Variants in DOCK4 observed in about 807,000 individuals in gnomAD.
DOCK4 encodes the protein dedicator of cytokinesis 4.
Under a neutral mutation model 268.1 loss-of-function variants are expected in DOCK4, and 97 were observed. That is an observed-to-expected ratio of 0.36 (90% CI 0.31 to 0.43). The LOEUF (loss-of-function observed/expected upper bound fraction) is 0.43. Among genes scored for constraint, DOCK4 ranks in the 20% least tolerant of loss-of-function variants. The pLI, the probability that DOCK4 is intolerant of heterozygous loss-of-function variation, is 1.00. For missense variants in DOCK4, 2,145 were observed against 2,455.7 expected, an observed-to-expected ratio of 0.87 and a Z score of 2.67; for synonymous variants, 954 against 887.2, an observed-to-expected ratio of 1.08 and a Z score of -1.34.
chr7:111,857,850 C>G (rs1325603617), intron 23 of DOCK4, among the ~76,000 whole-genome samples: 1 of 152,296 alleles, frequency 6.6e-6, no homozygotes, highest in Non-Finnish European at 1.5e-5. Flanking sequence ...TCTCCAAAAC[C>G]ATTTAGACTC....
intron 1 of DOCK4, among the ~76,000 whole-genome samples, chr7:112,109,140 G>C (rs1811400035): frequency 6.6e-6 from 1 of 152,194 alleles, no homozygotes; most frequent in African/African-American, 2.4e-5. Context: ...GCCACATGGT[G>C]CCAAGCCAGT....
intron 1 of DOCK4, among the ~76,000 whole-genome samples, chr7:112,163,746 AAT>A (rs531996750): frequency 3.3e-5 from 5 of 152,182 alleles, no homozygotes; most frequent in Non-Finnish European, 7.4e-5. Flanking sequence ...AGGTTAAGTA[AAT>A]TGCCCCAGAC....
chr7:112,177,336 A>G (rs932363422), intron 1 of DOCK4, among the ~76,000 whole-genome samples: 2 of 152,224 alleles, frequency 1.3e-5, no homozygotes, highest in African/African-American at 4.8e-5. Flanking sequence ...GATAGCACCT[A>G]TTTACCAAGG....
chr7:112,190,259 T>G (rs183332034), intron 1 of DOCK4, among the ~76,000 whole-genome samples: 44 of 152,022 alleles, frequency 2.9e-4, no homozygotes, highest in Admixed American at 2.0e-3. Context: ...CCACACAGCA[T>G]CTCTGGCCTC....
At chr7:112,009,856 G>A (rs1462404505) in intron 1 of DOCK4, among the ~76,000 whole-genome samples, 1 of 152,016 alleles carries the variant, frequency 6.6e-6, no homozygotes, top group Admixed American at 6.5e-5. Flanking sequence ...TCTCACCGTC[G>A]CCCAGGCTGG....
chr7:111,957,545 C>T (rs1232744981), intron 8 of DOCK4, among the ~76,000 whole-genome samples: 2 of 152,158 alleles, frequency 1.3e-5, no homozygotes, highest in Admixed American at 1.3e-4. Context: ...AGACTACAAG[C>T]TGTGTCTACT....
intron 1 of DOCK4, among the ~76,000 whole-genome samples, chr7:112,124,566 C>T (rs773099212): frequency 1.5e-4 from 23 of 152,114 alleles, no homozygotes; most frequent in Non-Finnish European, 2.2e-4. Context: ...AGCTTAGAAG[C>T]AGAAGTGTAA....
chr7:112,184,139 G>A (rs1472849995), intron 1 of DOCK4, among the ~76,000 whole-genome samples: 1 of 152,122 alleles, frequency 6.6e-6, no homozygotes, highest in Non-Finnish European at 1.5e-5. Context: ...CGTGCCTAAT[G>A]CACAGACCTG....
chr7:111,871,908 A>T, intron 20 of DOCK4, 82 bp downstream of exon 20: 2 of 1,158,220 alleles, frequency 1.7e-6, no homozygotes, highest in South Asian at 1.6e-5. Context: ...ACTCCCTTTT[A>T]AATTTTCCTA....
At chr7:111,828,340 G>A (rs1422239137) in intron 26 of DOCK4, among the ~76,000 whole-genome samples, 1 of 152,168 alleles carries the variant, frequency 6.6e-6, no homozygotes, top group Non-Finnish European at 1.5e-5. Flanking sequence ...TGCTCAGGAA[G>A]CCAGAAGCTA....
intron 23 of DOCK4, chr7:111,863,053 T>C (rs562272190): frequency 1.0e-4 from 28 of 277,150 alleles, no homozygotes; most frequent in South Asian, 8.2e-4. Flanking sequence ...AGAACATAAA[T>C]TGATGAAAAA....
In DOCK4 at chr7:111,741,202, G is replaced by A. The variant is rs1795892031; in HGVS notation, c.4932C>T (p.Tyr1644=). 1.2e-6 allele frequency: 2 copies of A among 1,613,870 alleles called. No individual in the cohort carries two copies. The highest frequency in any genetic ancestry group is 1.7e-6 in the Non-Finnish European group (2 of 1,179,876). The change falls in exon 47 of 53, where the codon TAC becomes TAT. Residue 1644 remains tyrosine (Y), a synonymous_variant. Transcript: ENST00000428084. ...RVIPRRSPLS[Y]PAVNRYSSSS... is the part of the protein sequence containing the mutation. ...AGGAAGAATATCGGTTGACAGCTGG[G>A]TAACTTAACGGGCTGTTTCAGGGGG... is the stretch of plus-strand genomic sequence containing the variant.
In DOCK4 at chr7:111,741,999, C is replaced by G. The variant is rs371330490; in HGVS notation, c.4797+14G>C. 86 of 1,573,146 alleles carry G rather than the reference C, an allele frequency of 5.5e-5. 3 individuals carry two copies. The East Asian group carries it at 9.3e-4, about 17-fold the overall frequency. On this transcript the variant is annotated intron_variant, in intron 45 of 52. Coordinates refer to ENST00000428084, the MANE Select transcript of DOCK4 (RefSeq NM_001363540.2). ...GATCAGGCTGCCCCGCCATGGACACCTAAGTATACATACCTGTATCCCTAA... is the reference window on the plus strand; with the variant it reads ...GATCAGGCTGCCCCGCCATGGACACGTAAGTATACATACCTGTATCCCTAA...
intron 1 of DOCK4, among the ~76,000 whole-genome samples, chr7:112,077,670 C>G (rs188398843): frequency 1.3e-5 from 2 of 151,986 alleles, no homozygotes; most frequent in South Asian, 2.1e-4. Context: ...TTAATATGTG[C>G]GTGTGTGTGT....
At chr7:111,977,031 G>T (rs1562955048) in intron 8 of DOCK4, 101 bp downstream of exon 8, 2 of 1,337,348 alleles carry the variant, frequency 1.5e-6, no homozygotes, top group Non-Finnish European at 2.0e-6. Context: ...GAAGCTGACG[G>T]AGTAAAAAAT....
At chr7:111,870,319 TTTTC>T (rs1375276786) in intron 20 of DOCK4, among the ~76,000 whole-genome samples, 2 of 149,532 alleles carry the variant, frequency 1.3e-5, no homozygotes, top group African/African-American at 5.0e-5. Context: ...TTTCTTTTTC[TTTTC>T]TTTTTTTTTT....
At chr7:112,082,643 G>A (rs941852858) in intron 1 of DOCK4, among the ~76,000 whole-genome samples, 1 of 152,060 alleles carries the variant, frequency 6.6e-6, no homozygotes, top group Non-Finnish European at 1.5e-5. Flanking sequence ...GAGATGTAGA[G>A]GTATTTATGG....
At chr7:112,010,355 T>A (rs552381432) in intron 1 of DOCK4, among the ~76,000 whole-genome samples, 1 of 152,200 alleles carries the variant, frequency 6.6e-6, no homozygotes, top group Non-Finnish European at 1.5e-5. Context: ...GTACTGTCAT[T>A]TTGAAAGTAT....
chr7:111,920,219 A>AT (rs1307694789), intron 12 of DOCK4, among the ~76,000 whole-genome samples: 1 of 152,180 alleles, frequency 6.6e-6, no homozygotes, highest in Non-Finnish European at 1.5e-5. Context: ...CTAGAGAGCT[A>AT]TTGTATAGCA....
Sources: allele counts gnomAD v4.1 joint callset (sites outside exome capture counted in the v4.1 genomes callset), GRCh38; gene constraint gnomAD v4.1.1; transcripts MANE v1.5; gene names NCBI Gene and HGNC (gene_info 2026-07-23, HGNC 2026-07-21).